Variants in HCRTR2 observed in about 807,000 individuals in gnomAD.
HCRTR2 encodes hypocretin receptor 2.
Under a neutral mutation model 49.0 loss-of-function variants are expected in HCRTR2, and 22 were observed. That is an observed-to-expected ratio of 0.45 (90% CI 0.32 to 0.64). The LOEUF (loss-of-function observed/expected upper bound fraction) is 0.64. Ranked by LOEUF, HCRTR2 falls within the 30% of genes least tolerant of loss-of-function variation. The pLI is 0.04. For missense variants in HCRTR2, 491 were observed against 559.4 expected (o/e 0.88, Z 1.23); for synonymous variants, 236 against 205.3 (o/e 1.15, Z -1.28).
intron 1 of HCRTR2, among the ~76,000 whole-genome samples, chr6:55,230,978 G>A (rs561974172): frequency 1.8e-4 from 28 of 152,054 alleles, no homozygotes; most frequent in South Asian, 1.0e-3. Flanking sequence ...TCCATAATTA[G>A]CCAAGTTAGT....
chr6:55,131,151 A>G (rs1435320413), intron 1 of HCRTR2, among the ~76,000 whole-genome samples: 1 of 151,802 alleles, frequency 6.6e-6, no homozygotes, highest in Non-Finnish European at 1.5e-5. Flanking sequence ...GCAATTAAAG[A>G]TCTTTTTTTT....
At chr6:55,241,804 T>A (rs1766336833) in intron 1 of HCRTR2, among the ~76,000 whole-genome samples, 1 of 150,666 alleles carries the variant, frequency 6.6e-6, no homozygotes, top group South Asian at 2.1e-4. Flanking sequence ...TTGAGGGACA[T>A]CATTATTAGT....
intron 1 of HCRTR2, among the ~76,000 whole-genome samples, chr6:55,179,201 C>T (rs1007395200): frequency 4.6e-5 from 7 of 151,964 alleles, no homozygotes; most frequent in African/African-American, 1.4e-4. Flanking sequence ...CTCCGAATGC[C>T]CATTTTAGTT....
Position 55,242,183 on chromosome 6 carries a change from T to C in HCRTR2, c.224-6456T>C, listed in dbSNP as rs1766349117. Among the ~76,000 whole-genome samples, 3 of 152,300 alleles carry C rather than the reference T, an allele frequency of 2.0e-5. No individual in the cohort carries two copies. The South Asian group carries it at 6.2e-4, about 32-fold the overall frequency. On this transcript the variant is annotated intron_variant, in intron 1 of 6. Transcript: ENST00000370862. The stretch of plus-strand genomic sequence containing the variant: ...CCACTCCCAGTCGGCAACTAATTTT[T>C]AAAATTGTGGTAAAATATACATAAT...
chr6:55,232,871 T>G (rs1177659827), intron 1 of HCRTR2, among the ~76,000 whole-genome samples: 6 of 152,202 alleles, frequency 3.9e-5, no homozygotes, highest in Non-Finnish European at 7.3e-5. Flanking sequence ...GAGATAGATT[T>G]TTAACTCCGA....
At position 55,134,955 on chromosome 6, in the gene HCRTR2, G is replaced by A. The variant is rs985378573; in HGVS notation, c.-378+28410G>A. ...TTAATAATACTGTGATGAACATGGA[G>A]TGCAGATATTTCTTCTGAAATCTAT... On this transcript the variant is annotated intron_variant, in intron 1 of 7. Coordinates refer to the HCRTR2 transcript ENST00000615358. 2.6e-5 allele frequency among the ~76,000 whole-genome samples: 4 copies of A among 152,032 alleles called. 1 individual carries two copies. Among genetic ancestry groups the A allele is most frequent in the African/African-American group, 9.6e-5 (4 of 41,510 alleles).
At chr6:55,187,628 A>C (rs779521155) in intron 1 of HCRTR2, among the ~76,000 whole-genome samples, 2 of 149,760 alleles carry the variant, frequency 1.3e-5, no homozygotes, top group Non-Finnish European at 3.0e-5. Flanking sequence ...AGTGTTTGTC[A>C]TACCTATTTT....
chr6:55,248,624 T>C lies in HCRTR2; in HGVS notation c.224-15T>C, dbSNP rs778289772. 9 of 1,609,128 alleles carry C rather than the reference T, an allele frequency of 5.6e-6. No individual in the cohort carries two copies. Among genetic ancestry groups the C allele is most frequent in the African/African-American group, 1.3e-5 (1 of 74,796 alleles). On this transcript the variant is annotated splice_polypyrimidine_tract_variant and intron_variant, in intron 1 of 6. Coordinates refer to ENST00000370862, the MANE Select transcript of HCRTR2 (RefSeq NM_001384272.1). ...TTCTTTGTTGAGTGCCTATTCCTTT[T>C]TCTTTTCAAATTAGTTTGTGTGGCA... is the stretch of plus-strand genomic sequence containing the variant.
rs570084052 is a variant in HCRTR2 at position 55,262,191 on chromosome 6, C to A, written c.647-1516C>A. Among the ~76,000 whole-genome samples the A allele has an allele frequency of 2.5e-3, 377 of 150,958 alleles. 1 individual carries two copies. The highest frequency in any genetic ancestry group is 8.8e-3 in the African/African-American group (364 of 41,142). ...TACACTGCATGGGTGATAGATGCAC[C>A]AAAATCTCAGAAATCACCACTGAAG... On this transcript the variant is annotated intron_variant, in intron 3 of 6. Coordinates refer to ENST00000370862, the MANE Select transcript of HCRTR2 (RefSeq NM_001384272.1).
chr6:55,130,234 T>A (rs1000058335), intron 1 of HCRTR2, among the ~76,000 whole-genome samples: 2 of 151,924 alleles, frequency 1.3e-5, no homozygotes, highest in African/African-American at 2.4e-5. Flanking sequence ...TCTCTTCACT[T>A]GTGAATCTCA....
chr6:55,167,527 G>T (rs191194997), intron 1 of HCRTR2, among the ~76,000 whole-genome samples: 1 of 152,088 alleles, frequency 6.6e-6, no homozygotes. Flanking sequence ...TCAAGGAAAA[G>T]AAGCCCAGAG....
intron 1 of HCRTR2, among the ~76,000 whole-genome samples, chr6:55,145,769 C>T (rs1353567986): frequency 2.0e-5 from 3 of 151,940 alleles, no homozygotes; most frequent in Non-Finnish European, 4.4e-5. Flanking sequence ...CACATGACAC[C>T]ATAGCCACAT....
chr6:55,167,358 A>G (rs1388087614), intron 1 of HCRTR2, among the ~76,000 whole-genome samples: 4 of 152,230 alleles, frequency 2.6e-5, no homozygotes, highest in East Asian at 1.9e-4. Flanking sequence ...AGTTCATTGT[A>G]TGTATATTTA....
In HCRTR2 at chr6:55,180,803, TA is replaced by T. The variant is rs113545886; in HGVS notation, c.223+5995del. ...TTTTATTAAATAGATGAACTTTTTT[TA>T]ATTTTTTTTTTTTGAGATGGAGTCT... is the stretch of plus-strand genomic sequence containing the variant. On this transcript the variant is annotated intron_variant, in intron 1 of 6. Coordinates refer to ENST00000370862, the MANE Select transcript of HCRTR2 (RefSeq NM_001384272.1). Among the ~76,000 whole-genome samples, 905 of 151,856 alleles carry T rather than the reference TA, an allele frequency of 6.0e-3. 9 individuals carry two copies. Among genetic ancestry groups the T allele is most frequent in the African/African-American group, 0.02 (843 of 41,480 alleles).
chr6:55,236,618 TA>T (rs1766219511), intron 1 of HCRTR2, among the ~76,000 whole-genome samples: 1 of 152,144 alleles, frequency 6.6e-6, no homozygotes, highest in African/African-American at 2.4e-5. Flanking sequence ...AAAGACTATT[TA>T]TGTGAATTAG....
intron 5 of HCRTR2, among the ~76,000 whole-genome samples, chr6:55,279,023 T>C (rs1236256219): frequency 6.6e-6 from 1 of 152,032 alleles, no homozygotes; most frequent in African/African-American, 2.4e-5. Flanking sequence ...ATATATGTCT[T>C]ATTCTTCTGA....
chr6:55,233,403 T>A (rs1055586928), intron 1 of HCRTR2, among the ~76,000 whole-genome samples: 4 of 152,174 alleles, frequency 2.6e-5, no homozygotes, highest in Non-Finnish European at 4.4e-5. Context: ...AGCTGGTTTT[T>A]AAAAGGGATC....
In HCRTR2 at chr6:55,144,099, C is replaced by CTTTTTT. The variant is rs530138605; in HGVS notation, c.-377-30085_-377-30080dup. 1.3e-3 allele frequency among the ~76,000 whole-genome samples: 113 copies of CTTTTTT among 85,378 alleles called. 11 individuals are homozygous for CTTTTTT. The highest frequency in any genetic ancestry group is 4.1e-3 in the African/African-American group (67 of 16,394). The allele number at this position is 85,378 out of a possible 152,430, so 56.0% of individuals were successfully genotyped here. On this transcript the variant is annotated intron_variant, in intron 1 of 7. Transcript: ENST00000615358. ...GTGACGCCATTCTTTCCCGTCCTGCCTTTTTTTTTTTTTTTTTTTTTTTTT... is the reference window on the plus strand; with the variant it reads ...GTGACGCCATTCTTTCCCGTCCTGCCTTTTTTTTTTTTTTTTTTTTTTTTTTTTTTT...
intron 1 of HCRTR2, among the ~76,000 whole-genome samples, chr6:55,163,185 C>T (rs1282210807): frequency 6.6e-6 from 1 of 151,686 alleles, no homozygotes; most frequent in Non-Finnish European, 1.5e-5. Context: ...TGCAATGAGC[C>T]AAGATCCTGT....
Sources: gnomAD v4.1 joint callset for allele counts (sites outside exome capture counted in the v4.1 genomes callset) on GRCh38, gnomAD v4.1.1 for gene constraint, MANE v1.5 for transcripts, NCBI Gene and HGNC (gene_info 2026-07-23, HGNC 2026-07-21) for gene names.